AKAP7: variants seen among roughly 807,000 people sequenced by gnomAD.
AKAP7 encodes the protein A kinase (PRKA) anchor protein 7.
AKAP7 carries 39 observed loss-of-function variants against 39.5 expected under a neutral mutation model. That is an observed-to-expected ratio of 0.99 (90% CI 0.76 to 1.29). The LOEUF (loss-of-function observed/expected upper bound fraction) is 1.29. AKAP7 is among the 50% of genes most tolerant of loss of function. The pLI, the probability that AKAP7 is intolerant of heterozygous loss-of-function variation, is 0.00. For missense variants in AKAP7, 414 were observed against 407.7 expected, an observed-to-expected ratio of 1.02 and a Z score of -0.13; for synonymous variants, 140 against 139.1, an observed-to-expected ratio of 1.01 and a Z score of -0.05.
intron 5 of AKAP7, among the ~76,000 whole-genome samples, chr6:131,180,403 A>AT (rs1805057186): frequency 6.6e-6 from 1 of 152,128 alleles, no homozygotes; most frequent in African/African-American, 2.4e-5. Context: ...TCCTATCCCT[A>AT]AACAAACAAA....
chr6:131,225,998 A>G (rs2128302310), intron 7 of AKAP7, among the ~76,000 whole-genome samples: 1 of 152,304 alleles, frequency 6.6e-6, no homozygotes, highest in Non-Finnish European at 1.5e-5. Context: ...TTTATATTAA[A>G]TCTGGATTTC....
chr6:131,217,703 T>C (rs1455193346), intron 6 of AKAP7, among the ~76,000 whole-genome samples: 1 of 152,228 alleles, frequency 6.6e-6, no homozygotes, highest in African/African-American at 2.4e-5. Flanking sequence ...TGAAATTAAA[T>C]TAATAAGCCT....
chr6:131,241,377 A>T (rs1811538701), intron 7 of AKAP7, among the ~76,000 whole-genome samples: 1 of 151,790 alleles, frequency 6.6e-6, no homozygotes, highest in South Asian at 2.1e-4. Context: ...ACAGAAGAGA[A>T]CCCTAGGTTG....
intron 1 of AKAP7, 128 bp downstream of exon 1, chr6:131,135,910 C>G (rs1317009524): frequency 1.1e-5 from 12 of 1,053,020 alleles, no homozygotes; most frequent in Non-Finnish European, 1.4e-5. Context: ...CCCTCCTTCC[C>G]AAAAGGACTC....
intron 6 of AKAP7, among the ~76,000 whole-genome samples, chr6:131,213,838 A>G (rs1808904138): frequency 6.6e-6 from 1 of 152,178 alleles, no homozygotes; most frequent in Non-Finnish European, 1.5e-5. Flanking sequence ...GTGGGAACAG[A>G]CTGTGTTGTA....
Position 131,274,000 on chromosome 6 carries a change from C to T in AKAP7, c.851-7530C>T, listed in dbSNP as rs190436374. 2.2e-3 allele frequency among the ~76,000 whole-genome samples: 315 copies of T among 145,972 alleles called. 1 individual carries two copies. Among genetic ancestry groups the T allele is most frequent in the African/African-American group, 7.6e-3 (298 of 39,394 alleles). ...TGTCGCCCAGGCTGGTGTGCAGTGG[C>T]GCAATCTCAGCTCACCTTTTCTTTT... On this transcript the variant is annotated intron_variant, in intron 7 of 7. Transcript: ENST00000431975.
At chr6:131,184,468 A>G (rs1161530909) in intron 5 of AKAP7, 2 of 665,354 alleles carry the variant, frequency 3.0e-6, no homozygotes, top group Non-Finnish European at 5.7e-6. Flanking sequence ...CAGCATCACA[A>G]AAGCCCAGCT....
intron 7 of AKAP7, among the ~76,000 whole-genome samples, chr6:131,268,800 G>A (rs1814029649): frequency 6.6e-6 from 1 of 152,078 alleles, no homozygotes; most frequent in African/African-American, 2.4e-5. Flanking sequence ...CCAGTTTCAT[G>A]CTTTTAAGTT....
At chr6:131,236,658 C>T (rs1209078676) in intron 7 of AKAP7, among the ~76,000 whole-genome samples, 2 of 152,098 alleles carry the variant, frequency 1.3e-5, no homozygotes, top group African/African-American at 4.8e-5. Flanking sequence ...TTTTATTCTC[C>T]TTGAAGCAAT....
intron 7 of AKAP7, among the ~76,000 whole-genome samples, chr6:131,274,252 C>G (rs1814557710): frequency 6.6e-6 from 1 of 152,120 alleles, no homozygotes; most frequent in Non-Finnish European, 1.5e-5. Context: ...TCAAGAATCA[C>G]ATTTCTTGGG....
At chr6:131,154,716 A>T in intron 2 of AKAP7, among the ~76,000 whole-genome samples, 1 of 152,130 alleles carries the variant, frequency 6.6e-6, no homozygotes, top group East Asian at 1.9e-4. Context: ...TAATGTCATC[A>T]AATAGCAAGA....
the AKAP7 span, among the ~76,000 whole-genome samples, chr6:131,129,301 G>T: frequency 7.7e-6 from 1 of 129,072 alleles, no homozygotes; most frequent in Non-Finnish European, 1.7e-5. Context: ...AAAAAAAAAT[G>T]CATGATTGAA....
chr6:131,246,966 C>T (rs892677669), intron 7 of AKAP7, among the ~76,000 whole-genome samples: 2 of 151,860 alleles, frequency 1.3e-5, no homozygotes, highest in Non-Finnish European at 2.9e-5. Flanking sequence ...ATTGTCAATA[C>T]TCTCCAAAAG....
At chr6:131,181,199 A>T (rs1746466) in intron 5 of AKAP7, among the ~76,000 whole-genome samples, 23 of 152,260 alleles carry the variant, frequency 1.5e-4, no homozygotes, top group African/African-American at 5.3e-4. Context: ...GCCTCCCAAA[A>T]TGCTGGGATT....
At chr6:131,273,103 ACTTTTTCCGAAGT>A (rs1814429053) in intron 7 of AKAP7, among the ~76,000 whole-genome samples, 1 of 152,138 alleles carries the variant, frequency 6.6e-6, no homozygotes, top group Admixed American at 6.5e-5. Context: ...TCCGGGTAAT[ACTTTTTCCGAAGT>A]CTGCTTTGCC....
intron 7 of AKAP7, among the ~76,000 whole-genome samples, chr6:131,231,529 TAGC>T (rs2128305967): frequency 6.6e-6 from 1 of 152,270 alleles, no homozygotes; most frequent in East Asian, 1.9e-4. Context: ...CTTGAAAACT[TAGC>T]AGTTAGAAAT....
At chr6:131,242,315 C>T (rs577135014) in intron 7 of AKAP7, 156 of 587,372 alleles carry the variant, frequency 2.7e-4, no homozygotes, top group South Asian at 6.8e-4. Flanking sequence ...TCATAATAAG[C>T]GGAAGCTTTT....
chr6:131,278,718 C>T (rs1397588683), intron 7 of AKAP7, among the ~76,000 whole-genome samples: 1 of 152,170 alleles, frequency 6.6e-6, no homozygotes, highest in Non-Finnish European at 1.5e-5. Flanking sequence ...AGAACTCACT[C>T]ACTATCATGA....
chr6:131,133,908 T>G (rs1398979390), upstream of AKAP7, among the ~76,000 whole-genome samples: 1 of 152,166 alleles, frequency 6.6e-6, no homozygotes, highest in Non-Finnish European at 1.5e-5. Context: ...AGAAAATGTA[T>G]GGGTTTGTTA....
Sources: allele counts gnomAD v4.1 joint callset (sites outside exome capture counted in the v4.1 genomes callset), GRCh38; gene constraint gnomAD v4.1.1; transcripts MANE v1.5; gene names NCBI Gene and HGNC (gene_info 2026-07-23, HGNC 2026-07-21).